Variants in C4orf51 observed in about 807,000 individuals in gnomAD.
C4orf51 encodes the protein chromosome 4 open reading frame 51, also known as uncharacterized protein C4orf51.
In C4orf51, 25 loss-of-function variants were observed where a neutral mutation model predicts 25.2. That is an observed-to-expected ratio of 0.99 (90% CI 0.72 to 1.39). The LOEUF (loss-of-function observed/expected upper bound fraction) is 1.39. C4orf51 is among the 40% of genes most tolerant of loss of function. The probability of loss-of-function intolerance (pLI) is 0.00; values close to 1 mark genes in which losing one functional copy is unlikely to be tolerated. For synonymous variants in C4orf51, 100 were observed against 84.5 expected (o/e 1.18, Z -1.01); for missense variants, 252 against 239.6 (o/e 1.05, Z -0.34).
the C4orf51 span, among the ~76,000 whole-genome samples, chr4:145,778,860 T>A: frequency 6.6e-6 from 1 of 152,242 alleles, no homozygotes; most frequent in Non-Finnish European, 1.5e-5. Flanking sequence ...CTTTTTGTCT[T>A]CAATTATTTT....
chr4:145,787,183 G>A, the C4orf51 span, among the ~76,000 whole-genome samples: 1 of 152,232 alleles, frequency 6.6e-6, no homozygotes, highest in African/African-American at 2.4e-5. Flanking sequence ...AGTTTTTGTC[G>A]GCCGGGCGCA....
intron 1 of C4orf51, among the ~76,000 whole-genome samples, chr4:145,685,548 C>T (rs1442186727): frequency 1.3e-5 from 2 of 152,052 alleles, no homozygotes; most frequent in African/African-American, 4.8e-5. Context: ...CAGCGGGTAA[C>T]GTGACTGGGG....
At chr4:145,779,892 G>A in the C4orf51 span, among the ~76,000 whole-genome samples, 1 of 152,238 alleles carries the variant, frequency 6.6e-6, no homozygotes, top group African/African-American at 2.4e-5. Flanking sequence ...CCACAAGGCA[G>A]TAAATAAAGA....
In C4orf51 at chr4:145,754,322, T is replaced by C. The variant is rs533912643; in HGVS notation, n.283T>C. ...CAATATTTAGTGTATTCTTTCATTA[T>C]GTTAAAACTAAATAAAATGTTTCAT... is the stretch of plus-strand genomic sequence containing the variant. On this transcript the variant is annotated non_coding_transcript_exon_variant, in exon 2 of 2. Coordinates refer to the C4orf51 transcript ENST00000508981. 5.9e-5 allele frequency: 9 copies of C among 152,364 alleles called. No individual in the cohort carries two copies. The East Asian group carries it at 1.5e-3, about 26-fold the overall frequency. 9.4% of individuals were successfully genotyped at this position (152,364 alleles called of 1,614,324 possible). A position where few individuals can be genotyped will look rare whatever the true frequency, so the allele number is the denominator to read the frequency against.
intron 2 of C4orf51, among the ~76,000 whole-genome samples, chr4:145,718,353 C>T (rs1256348197): frequency 6.6e-6 from 1 of 152,220 alleles, no homozygotes; most frequent in African/African-American, 2.4e-5. Flanking sequence ...TGACATTTAA[C>T]AAGGACGGCA....
At chr4:145,742,348 A>C (rs530477228) in intron 1 of C4orf51, among the ~76,000 whole-genome samples, 2 of 151,836 alleles carry the variant, frequency 1.3e-5, no homozygotes, top group Non-Finnish European at 2.9e-5. Context: ...CCATCTCCTA[A>C]GGTTCTGTCA....
chr4:145,785,040 G>C, the C4orf51 span, among the ~76,000 whole-genome samples: 1 of 152,064 alleles, frequency 6.6e-6, no homozygotes, highest in African/African-American at 2.4e-5. Context: ...AATGTCATTT[G>C]GGCTTTTCCT....
At chr4:145,741,205 C>T (rs779207911) in intron 1 of C4orf51, among the ~76,000 whole-genome samples, 8 of 152,128 alleles carry the variant, frequency 5.3e-5, no homozygotes, top group South Asian at 4.1e-4. Context: ...GCTCTCTGGC[C>T]GTATCCATCA....
intron 2 of C4orf51, among the ~76,000 whole-genome samples, chr4:145,697,226 A>G (rs1730128918): frequency 6.6e-6 from 1 of 151,720 alleles, no homozygotes; most frequent in Non-Finnish European, 1.5e-5. Context: ...CAGCCTCCCA[A>G]GTAGCTGGGA....
chr4:145,725,435 G>T (rs1732000732), intron 2 of C4orf51, among the ~76,000 whole-genome samples: 1 of 152,048 alleles, frequency 6.6e-6, no homozygotes, highest in Non-Finnish European at 1.5e-5. Context: ...CTGCGTATAG[G>T]TTTTTTCCCA....
At chr4:145,724,233 C>T (rs1018717904) in intron 2 of C4orf51, among the ~76,000 whole-genome samples, 3 of 152,176 alleles carry the variant, frequency 2.0e-5, no homozygotes, top group Non-Finnish European at 4.4e-5. Context: ...AAAAGTCTTA[C>T]AGAGCTTTGA....
At chr4:145,708,956 C>T (rs1730984253) in intron 2 of C4orf51, among the ~76,000 whole-genome samples, 1 of 152,242 alleles carries the variant, frequency 6.6e-6, no homozygotes, top group Admixed American at 6.5e-5. Flanking sequence ...TTGAATATGA[C>T]CTTGAAGTTC....
chr4:145,692,978 TTG>T (rs1261993035), intron 1 of C4orf51, among the ~76,000 whole-genome samples: 1 of 122,870 alleles, frequency 8.1e-6, no homozygotes, highest in African/African-American at 3.2e-5. Flanking sequence ...TTTTTTTTTT[TTG>T]TAAGTCCCAT....
At chr4:145,739,329 G>A (rs1056910698) in intron 1 of C4orf51, among the ~76,000 whole-genome samples, 2 of 152,178 alleles carry the variant, frequency 1.3e-5, no homozygotes, top group Admixed American at 6.5e-5. Context: ...TCCAGAATGC[G>A]AAGCTCTGCT....
chr4:145,729,353 G>A (rs370307708), intron 4 of C4orf51, 124 bp downstream of exon 4: 12 of 560,612 alleles, frequency 2.1e-5, no homozygotes, highest in East Asian at 1.6e-4. Flanking sequence ...CCAGGCTGAC[G>A]TGCAGTGGCG....
At chr4:145,719,065 C>A (rs1731574054) in intron 2 of C4orf51, among the ~76,000 whole-genome samples, 1 of 152,192 alleles carries the variant, frequency 6.6e-6, no homozygotes, top group Non-Finnish European at 1.5e-5. Flanking sequence ...CTTTCTCCTA[C>A]TAGAACATAA....
intron 2 of C4orf51, among the ~76,000 whole-genome samples, chr4:145,714,342 C>CT (rs1001055299): frequency 7.9e-5 from 12 of 152,214 alleles, no homozygotes; most frequent in South Asian, 6.2e-4. Flanking sequence ...ACATAATTAC[C>CT]TTTTTTTATG....
At chr4:145,709,322 A>G (rs1185615946) in intron 2 of C4orf51, among the ~76,000 whole-genome samples, 1 of 152,256 alleles carries the variant, frequency 6.6e-6, no homozygotes, top group Non-Finnish European at 1.5e-5. Flanking sequence ...CCCCTAGAGC[A>G]TAACAGGAAC....
At chr4:145,769,886 A>T (rs1241449696) in intron 1 of C4orf51, among the ~76,000 whole-genome samples, 1 of 152,226 alleles carries the variant, frequency 6.6e-6, no homozygotes, top group African/African-American at 2.4e-5. Flanking sequence ...CCATAAAAAA[A>T]ATTACCAATC....
Sources: gnomAD v4.1 joint callset for allele counts (sites outside exome capture counted in the v4.1 genomes callset) on GRCh38, gnomAD v4.1.1 for gene constraint, MANE v1.5 for transcripts, NCBI Gene and HGNC (gene_info 2026-07-23, HGNC 2026-07-21) for gene names.